The following ZNF589 variants were observed in gnomAD, a reference collection of about 807,000 sequenced individuals.
ZNF589 encodes the protein KRAB-zinc finger protein SZF1-1.
ZNF589 carries 17 observed loss-of-function variants against 13.6 expected under a neutral mutation model. That is an observed-to-expected ratio of 1.25 (90% CI 0.86 to 1.88). The LOEUF (loss-of-function observed/expected upper bound fraction) is 1.88, where lower values mean the gene tolerates loss of function less well. Ranked by LOEUF, ZNF589 falls within the 40% of genes most tolerant of loss-of-function variation. ZNF589 has a pLI of 0.00. For missense variants in ZNF589, 407 were observed against 434.0 expected (o/e 0.94, Z 0.55); for synonymous variants, 148 against 161.6 (o/e 0.92, Z 0.64).
chr3:48,255,675 G>A (rs760833022), intron 2 of ZNF589, among the ~76,000 whole-genome samples: 1 of 150,810 alleles, frequency 6.6e-6, no homozygotes, highest in Non-Finnish European at 1.5e-5. Context: ...TGTGTTTTCA[G>A]TACAGACATG....
intron 2 of ZNF589, among the ~76,000 whole-genome samples, chr3:48,250,796 G>A (rs1022775312): frequency 6.6e-6 from 1 of 151,856 alleles, no homozygotes; most frequent in African/African-American, 2.4e-5. Context: ...TATTTGTTTT[G>A]TGAATATTTT....
At position 48,269,746 on chromosome 3, in the gene ZNF589, A is replaced by G. The variant is rs2034069307; in HGVS notation, c.*960A>G. ...TAGCAACAAGTCAGCCATCAGCCACACCAGCGGAAATGCTTAGGGAGAAGC... is the reference window on the plus strand; with the variant it reads ...TAGCAACAAGTCAGCCATCAGCCACGCCAGCGGAAATGCTTAGGGAGAAGC... On this transcript the variant is annotated 3_prime_UTR_variant, in exon 4 of 4. Transcript: ENST00000354698. The G allele has an allele frequency of 2.9e-6, 1 of 340,370 alleles. No individual in the cohort carries two copies. Among genetic ancestry groups the G allele is most frequent in the Admixed American group, 4.0e-5 (1 of 25,210 alleles). The allele number at this position is 340,370 out of a possible 1,614,324, so 21.1% of individuals were successfully genotyped here. A position where few individuals can be genotyped will look rare whatever the true frequency, so the allele number is the denominator to read the frequency against.
intron 2 of ZNF589, among the ~76,000 whole-genome samples, chr3:48,248,331 G>A (rs781515234): frequency 6.6e-6 from 1 of 152,216 alleles, no homozygotes; most frequent in Non-Finnish European, 1.5e-5. Flanking sequence ...ACAGGGACAC[G>A]TGGATGGCCA....
intron 2 of ZNF589, chr3:48,256,625 G>A (rs2033905766): frequency 7.8e-6 from 7 of 895,302 alleles, no homozygotes; most frequent in Non-Finnish European, 1.3e-5. Context: ...TCATAGGCCT[G>A]TGATCTTTCG....
At position 48,269,794 on chromosome 3, in the gene ZNF589, C is replaced by T. The variant is rs911126580; in HGVS notation, c.*1008C>T. 1 of 354,322 alleles carries T rather than the reference C, an allele frequency of 2.8e-6. No individual in the cohort carries two copies. Among genetic ancestry groups the T allele is most frequent in the Non-Finnish European group, 5.6e-6 (1 of 180,162 alleles). 21.9% of individuals were successfully genotyped at this position (354,322 alleles called of 1,614,324 possible). A position where few individuals can be genotyped will look rare whatever the true frequency, so the allele number is the denominator to read the frequency against. ...AGCCTTGTTTGTAAGGTAATGTGGA[C>T]AGAGCTGTACGTGGACATCATTACT... On this transcript the variant is annotated 3_prime_UTR_variant, in exon 4 of 4. Transcript: ENST00000354698.
intron 2 of ZNF589, among the ~76,000 whole-genome samples, chr3:48,253,455 C>T (rs1186223808): frequency 2.6e-5 from 4 of 151,434 alleles, no homozygotes; most frequent in Non-Finnish European, 5.9e-5. Flanking sequence ...TATCATGTTA[C>T]ACTTAGTTGT....
In ZNF589 at chr3:48,253,177, C is replaced by G. The variant is rs188907584; in HGVS notation, c.96+5500C>G. The stretch of plus-strand genomic sequence containing the variant: ...CCTCCTGAGTAGCTGGGATTACAGG[C>G]GTGCACCACTACACATAGCTATTTT... On this transcript the variant is annotated intron_variant, in intron 2 of 3. Coordinates refer to ENST00000354698, the MANE Select transcript of ZNF589 (RefSeq NM_016089.3). 1.9e-3 allele frequency among the ~76,000 whole-genome samples: 292 copies of G among 152,216 alleles called. 3 individuals carry two copies. The highest frequency in any genetic ancestry group is 6.5e-3 in the African/African-American group (270 of 41,542).
At chr3:48,256,897 A>G in intron 2 of ZNF589, 2 of 829,196 alleles carry the variant, frequency 2.4e-6, no homozygotes, top group Non-Finnish European at 4.0e-6. Context: ...GCCCACACGG[A>G]AGCTGCCCAC....
intron 2 of ZNF589, among the ~76,000 whole-genome samples, chr3:48,253,305 A>G (rs2033858957): frequency 6.6e-6 from 1 of 152,210 alleles, no homozygotes; most frequent in Non-Finnish European, 1.5e-5. Context: ...TGCTTGGACT[A>G]CAGGTGTGGG....
At chr3:48,242,438 G>T (rs1483669386) in intron 1 of ZNF589, among the ~76,000 whole-genome samples, 1 of 152,004 alleles carries the variant, frequency 6.6e-6, no homozygotes, top group Non-Finnish European at 1.5e-5. Flanking sequence ...GTAACAACAG[G>T]AACAGTCTAG....
chr3:48,241,262 C>T (rs769764139), intron 1 of ZNF589, 48 bp downstream of exon 1: 4 of 1,601,268 alleles, frequency 2.5e-6, no homozygotes, highest in South Asian at 2.2e-5. Flanking sequence ...GCTCCAGCCG[C>T]AGGCGCCGCG....
intron 2 of ZNF589, among the ~76,000 whole-genome samples, chr3:48,249,451 T>C (rs1011540831): frequency 2.6e-5 from 4 of 152,210 alleles, no homozygotes; most frequent in African/African-American, 9.6e-5. Context: ...TCTCAATACA[T>C]TTCACCTCTG....
At position 48,241,203 on chromosome 3, in the gene ZNF589, G is replaced by A. The variant is rs202021093; in HGVS notation, c.32G>A (p.Trp11Ter). 6.1e-5 allele frequency: 98 copies of A among 1,613,080 alleles called. No homozygotes were observed. The African/African-American group carries it at 1.0e-3, about 17-fold the overall frequency. The part of the protein sequence containing the change: MWAPREQLLG[W>*]TAEALPAKDS... ...GCCCCGCGGGAGCAGCTACTGGGCT[G>A]GACTGCGGAAGGTGAGTCGGGGCCG... Residue 11 changes from tryptophan (W) to a stop codon, truncating the protein, a stop_gained, in exon 1 of 4, where the codon TGG (tryptophan) becomes TAG (stop). Coordinates refer to ENST00000354698, the MANE Select transcript of ZNF589 (RefSeq NM_016089.3). LOFTEE classifies it high-confidence loss of function.
intron 2 of ZNF589, chr3:48,256,240 C>T (rs771736386): frequency 4.5e-4 from 156 of 350,548 alleles, no homozygotes; most frequent in Non-Finnish European, 6.9e-4. Flanking sequence ...GGGGCCAGGC[C>T]GTCATGGTGG....
chr3:48,260,698 C>T lies in ZNF589; in HGVS notation c.97-115C>T, dbSNP rs902014338. ...TGCTAGGATTGCAGGTGTGAGCCAC[C>T]GTGCCCGGCCTAGATCAATTTCTTA... On this transcript the variant is annotated intron_variant, in intron 2 of 3. Transcript: ENST00000354698. 50 of 1,474,750 alleles carry T rather than the reference C, an allele frequency of 3.4e-5. No individual in the cohort carries two copies. In the East Asian group the frequency reaches 7.8e-4, roughly 23 times the overall value. The allele number at this position is 1,474,750 out of a possible 1,614,324, so 91.4% of individuals were successfully genotyped here. A position where few individuals can be genotyped will look rare whatever the true frequency, so the allele number is the denominator to read the frequency against.
At chr3:48,263,346 A>G (rs2033986190) in intron 3 of ZNF589, among the ~76,000 whole-genome samples, 1 of 152,160 alleles carries the variant, frequency 6.6e-6, no homozygotes, top group Non-Finnish European at 1.5e-5. Context: ...CTGACCTCAG[A>G]TGATCCGCCT....
rs538388446 is a variant in ZNF589 at position 48,256,814 on chromosome 3, T to C, written c.97-3999T>C. On this transcript the variant is annotated intron_variant, in intron 2 of 3. Transcript: ENST00000354698. ...TTCAATTATAGTTGTCTTTCCTTCT[T>C]GGATTTCCACCACTTCCCTGAAACC... 2.0e-6 allele frequency: 3 copies of C among 1,514,294 alleles called. No homozygotes were observed. The African/African-American group carries it at 4.1e-5, about 21-fold the overall frequency. The allele number at this position is 1,514,294 out of a possible 1,614,324, so 93.8% of individuals were successfully genotyped here. A position where few individuals can be genotyped will look rare whatever the true frequency, so the allele number is the denominator to read the frequency against.
At chr3:48,256,922 G>C in intron 2 of ZNF589, 1 of 696,554 alleles carries the variant, frequency 1.4e-6, no homozygotes, top group Middle Eastern at 2.4e-4. Context: ...AGACACCAGA[G>C]CCTCAAAGGC....
At chr3:48,263,955 G>A (rs1484208636) in intron 3 of ZNF589, among the ~76,000 whole-genome samples, 1 of 152,146 alleles carries the variant, frequency 6.6e-6, no homozygotes, top group Non-Finnish European at 1.5e-5. Flanking sequence ...TTACTCAAAA[G>A]TATGTATTGA....
Sources: gnomAD v4.1 joint callset for allele counts (sites outside exome capture counted in the v4.1 genomes callset) on GRCh38, gnomAD v4.1.1 for gene constraint, MANE v1.5 for transcripts, NCBI Gene and HGNC (gene_info 2026-07-23, HGNC 2026-07-21) for gene names.